The following RAB31 variants were observed in gnomAD, a reference collection of about 807,000 sequenced individuals.
RAB31 encodes the protein RAB31, member RAS oncogene family.
A neutral mutation model predicts 25.6 loss-of-function variants in RAB31; 21 were observed. The observed-to-expected ratio is 0.82, with a 90% CI of 0.58 to 1.18. RAB31 has a LOEUF of 1.18. Among genes scored for constraint, RAB31 ranks in the 50% most tolerant of loss-of-function variants. The pLI, the probability that RAB31 is intolerant of heterozygous loss-of-function variation, is 0.00. For synonymous variants in RAB31, 87 were observed against 84.0 expected (o/e 1.04, Z -0.20); for missense variants, 196 against 250.1 (o/e 0.78, Z 1.46).
intron 5 of RAB31, among the ~76,000 whole-genome samples, chr18:9,829,460 T>C (rs1207525520): frequency 6.6e-6 from 1 of 152,260 alleles, no homozygotes; most frequent in Non-Finnish European, 1.5e-5. Flanking sequence ...ATTCATTCTA[T>C]TGGTGGATAT....
At position 9,766,535 on chromosome 18, in the gene RAB31, C is replaced by G. The variant is rs190535641; in HGVS notation, c.40-8743C>G. ...AGTCAGAACAGTCCAAACTGTTAAC[C>G]ATGCAGACTTCTGCCTGTTTCTCTC... On this transcript the variant is annotated intron_variant, in intron 1 of 6. Transcript: ENST00000578921. The surrounding 1 kb of genome is among the most constrained non-coding windows in gnomAD (Gnocchi z 4.3). 1.7e-3 allele frequency among the ~76,000 whole-genome samples: 265 copies of G among 152,336 alleles called. 1 individual carries two copies. The highest frequency in any genetic ancestry group is 5.8e-3 in the African/African-American group (241 of 41,582).
intron 1 of RAB31, among the ~76,000 whole-genome samples, chr18:9,747,560 T>G (rs1490147542): frequency 1.3e-5 from 2 of 152,188 alleles, no homozygotes; most frequent in Non-Finnish European, 2.9e-5. Context: ...CATGGTACAA[T>G]GTGGATGAAC....
chr18:9,775,800 A>G (rs1171575968), intron 2 of RAB31, among the ~76,000 whole-genome samples: 1 of 150,548 alleles, frequency 6.6e-6, no homozygotes, highest in Admixed American at 6.6e-5. Context: ...CTTTTTTTTT[A>G]CTTCTTGAGA....
chr18:9,720,839 A>C (rs1397457675), intron 1 of RAB31, among the ~76,000 whole-genome samples: 1 of 152,108 alleles, frequency 6.6e-6, no homozygotes, highest in Non-Finnish European at 1.5e-5. Context: ...CTGGTAATGA[A>C]ATTGGAAAGT....
At chr18:9,798,785 A>AG (rs1238312864) in intron 3 of RAB31, among the ~76,000 whole-genome samples, 1 of 39,658 alleles carries the variant, frequency 2.5e-5, no homozygotes, top group East Asian at 2.5e-3. Flanking sequence ...TGCGCAGCTA[A>AG]TTTAAAAAAA....
intron 1 of RAB31, among the ~76,000 whole-genome samples, chr18:9,741,421 C>A (rs1045654732): frequency 1.3e-5 from 2 of 150,060 alleles, no homozygotes; most frequent in Non-Finnish European, 3.0e-5. Flanking sequence ...GCTCTGGGCA[C>A]CCCTGGATTG....
At chr18:9,770,310 G>A (rs2068337817) in intron 1 of RAB31, among the ~76,000 whole-genome samples, 1 of 152,136 alleles carries the variant, frequency 6.6e-6, no homozygotes, top group African/African-American at 2.4e-5. Context: ...AATCTGGAGG[G>A]ATAGGAAGCT....
chr18:9,767,540 C>T (rs185471407), intron 1 of RAB31, among the ~76,000 whole-genome samples: 1 of 152,244 alleles, frequency 6.6e-6, no homozygotes, highest in African/African-American at 2.4e-5. Flanking sequence ...CTTCTCAGTG[C>T]CCACTTTGAT....
At chr18:9,755,540 A>T (rs528322155) in intron 1 of RAB31, among the ~76,000 whole-genome samples, 1 of 152,322 alleles carries the variant, frequency 6.6e-6, no homozygotes, top group African/African-American at 2.4e-5. Context: ...TGTGATATCC[A>T]GCATAGCAGT....
At chr18:9,833,065 G>A (rs924454492) in intron 5 of RAB31, among the ~76,000 whole-genome samples, 12 of 152,120 alleles carry the variant, frequency 7.9e-5, no homozygotes, top group Non-Finnish European at 1.2e-4. Context: ...AACGTGAACC[G>A]CCGTGTCAGA....
intron 5 of RAB31, among the ~76,000 whole-genome samples, chr18:9,843,283 G>A (rs1484416534): frequency 6.6e-6 from 1 of 152,138 alleles, no homozygotes; most frequent in Non-Finnish European, 1.5e-5. Flanking sequence ...AGTGGTGCAA[G>A]CCTGTAATCC....
At chr18:9,747,671 A>G (rs2068212549) in intron 1 of RAB31, among the ~76,000 whole-genome samples, 1 of 152,192 alleles carries the variant, frequency 6.6e-6, no homozygotes. Context: ...GTACATGGAG[A>G]TTAAGTAGAT....
At chr18:9,767,647 C>T (rs1209643134) in intron 1 of RAB31, among the ~76,000 whole-genome samples, 1 of 152,188 alleles carries the variant, frequency 6.6e-6, no homozygotes, top group African/African-American at 2.4e-5. Flanking sequence ...TTACTGATGT[C>T]TGCCATGAGA....
intron 1 of RAB31, among the ~76,000 whole-genome samples, chr18:9,747,063 A>G (rs1462692554): frequency 2.6e-5 from 4 of 152,236 alleles, no homozygotes; most frequent in Admixed American, 6.5e-5. Flanking sequence ...ACAATTCAAC[A>G]CAAAAAGACA....
chr18:9,811,093 C>T (rs1160316958), intron 3 of RAB31, among the ~76,000 whole-genome samples: 27 of 152,252 alleles, frequency 1.8e-4, no homozygotes, highest in South Asian at 4.1e-4. Context: ...TCAGTGAGTA[C>T]GGAAAGGCAT....
intron 1 of RAB31, among the ~76,000 whole-genome samples, chr18:9,763,680 A>T (rs1039965560): frequency 6.6e-6 from 1 of 151,620 alleles, no homozygotes; most frequent in Admixed American, 6.6e-5. Flanking sequence ...AAGAGACTTA[A>T]TGGAGCAGAA....
At chr18:9,784,845 G>A (rs775192807) in intron 2 of RAB31, among the ~76,000 whole-genome samples, 3 of 152,152 alleles carry the variant, frequency 2.0e-5, no homozygotes, top group African/African-American at 4.8e-5. Context: ...GAGCCACTGC[G>A]CCCAGCCAAT....
intron 3 of RAB31, among the ~76,000 whole-genome samples, chr18:9,811,499 A>G (rs2068570510): frequency 6.6e-6 from 1 of 152,186 alleles, no homozygotes; most frequent in African/African-American, 2.4e-5. Flanking sequence ...GCTTGCCAGA[A>G]AAGCTTCAGG....
At chr18:9,833,272 G>A (rs1344714603) in intron 5 of RAB31, among the ~76,000 whole-genome samples, 2 of 152,204 alleles carry the variant, frequency 1.3e-5, no homozygotes, top group African/African-American at 4.8e-5. Flanking sequence ...CTGATTTTGA[G>A]GCCAAGTTCC....
Sources: allele counts gnomAD v4.1 joint callset (sites outside exome capture counted in the v4.1 genomes callset), GRCh38; gene constraint gnomAD v4.1.1; non-coding constraint Gnocchi (gnomAD v3.1); transcripts MANE v1.5; gene names NCBI Gene and HGNC (gene_info 2026-07-23, HGNC 2026-07-21).